IPO7: variants seen among roughly 807,000 people sequenced by gnomAD.
The protein encoded by IPO7 is importin-7.
A neutral mutation model predicts 136.4 loss-of-function variants in IPO7; 13 were observed. That is an observed-to-expected ratio of 0.10 (90% CI 0.06 to 0.15). The LOEUF is 0.15. IPO7 is among the 10% of genes least tolerant of loss of function. The probability of loss-of-function intolerance (pLI) is 1.00; values close to 1 mark genes in which losing one functional copy is unlikely to be tolerated. For missense variants in IPO7, 857 were observed against 1,240.6 expected, an observed-to-expected ratio of 0.69 and a Z score of 4.65; for synonymous variants, 403 against 404.4, an observed-to-expected ratio of 1.00 and a Z score of 0.04.
chr11:9,433,511 G>T lies in IPO7; in HGVS notation c.1882-59G>T, dbSNP rs77229526. ...AGTGTACTGAATTATAATATGCGTT[G>T]TCTTACTAAGTCATTTAGTAGGCTG... is the stretch of plus-strand genomic sequence containing the variant. On this transcript the variant is annotated intron_variant, in intron 16 of 24. Coordinates refer to ENST00000379719, the MANE Select transcript of IPO7 (RefSeq NM_006391.3). 1.8e-3 allele frequency: 2,020 copies of T among 1,141,982 alleles called. 24 individuals carry two copies. The African/African-American group carries it at 0.025, about 14-fold the overall frequency. 70.7% of individuals were successfully genotyped at this position (1,141,982 alleles called of 1,614,324 possible). A position where few individuals can be genotyped will look rare whatever the true frequency, so the allele number is the denominator to read the frequency against.
Position 9,428,944 on chromosome 11 carries a change from C to G in IPO7, c.1426-87C>G. The G allele has an allele frequency of 2.5e-6, 3 of 1,223,806 alleles. 1 individual carries two copies. In the South Asian group the frequency reaches 3.6e-5, roughly 15 times the overall value. 75.8% of individuals were successfully genotyped at this position (1,223,806 alleles called of 1,614,324 possible). A position where few individuals can be genotyped will look rare whatever the true frequency, so the allele number is the denominator to read the frequency against. ...TCTACCACTGGCCAGCCTCCAAATT[C>G]CCACACACAGAACTCAGGGAATAGA... On this transcript the variant is annotated intron_variant, in intron 13 of 24. Coordinates refer to ENST00000379719, the MANE Select transcript of IPO7 (RefSeq NM_006391.3).
At chr11:9,411,522 A>G (rs1160816908) in intron 4 of IPO7, among the ~76,000 whole-genome samples, 2 of 152,168 alleles carry the variant, frequency 1.3e-5, no homozygotes, top group Non-Finnish European at 2.9e-5. Context: ...TGGTGCTGAT[A>G]ATTTCCAGTG....
intron 8 of IPO7, among the ~76,000 whole-genome samples, 166 bp downstream of exon 8, chr11:9,420,864 G>A (rs1357259274): frequency 6.6e-6 from 1 of 152,032 alleles, no homozygotes; most frequent in Admixed American, 6.6e-5. Flanking sequence ...AATTACTTAG[G>A]ATACCATTGG....
chr11:9,428,530 A>G lies in IPO7; in HGVS notation c.1336-10A>G, dbSNP rs750001123. 8.0e-7 allele frequency: 1 copy of G among 1,249,276 alleles called. No homozygotes were observed. The highest frequency in any genetic ancestry group is 1.1e-6 in the Non-Finnish European group (1 of 875,576). 77.4% of individuals were successfully genotyped at this position (1,249,276 alleles called of 1,614,324 possible). A position where few individuals can be genotyped will look rare whatever the true frequency, so the allele number is the denominator to read the frequency against. The stretch of plus-strand genomic sequence containing the variant: ...AACTGTATCAAAATAACTGTTGTTT[A>G]TATTTACAGAAAAAGATCTATAAAG... On this transcript the variant is annotated splice_polypyrimidine_tract_variant and intron_variant, in intron 12 of 24. Transcript: ENST00000379719.
At position 9,445,221 on chromosome 11, in the gene IPO7, C is replaced by T. The variant is rs371155574; in HGVS notation, c.*27C>T. The T allele has an allele frequency of 6.5e-4, 916 of 1,414,348 alleles. 2 individuals carry two copies. Among genetic ancestry groups the T allele is most frequent in the Non-Finnish European group, 7.9e-4 (787 of 998,544 alleles). 87.6% of individuals were successfully genotyped at this position (1,414,348 alleles called of 1,614,324 possible). On this transcript the variant is annotated 3_prime_UTR_variant, in exon 25 of 25. Coordinates refer to ENST00000379719, the MANE Select transcript of IPO7 (RefSeq NM_006391.3). ...TTATCTCTTTCTTTCCTGCTGTGTG[C>T]TTGTAGTGAAGAGCTTGTGTTCCTC...
Position 9,424,843 on chromosome 11 carries a change from T to C in IPO7, c.1142-71T>C, listed in dbSNP as rs1273277660. On this transcript the variant is annotated intron_variant, in intron 10 of 24. Transcript: ENST00000379719. Reference sequence around the variant, plus strand: ...ATCATTTTCATACCTTATGTAAAGATTAAGCATGTTTTTTAATGCTTTGTT... The same window carrying C: ...ATCATTTTCATACCTTATGTAAAGACTAAGCATGTTTTTTAATGCTTTGTT... The C allele has an allele frequency of 1.4e-5, 14 of 978,830 alleles. No individual in the cohort carries two copies. In the Admixed American group the frequency reaches 1.7e-4, roughly 12 times the overall value. The allele number at this position is 978,830 out of a possible 1,614,324, so 60.6% of individuals were successfully genotyped here. A position where few individuals can be genotyped will look rare whatever the true frequency, so the allele number is the denominator to read the frequency against.
intron 2 of IPO7, among the ~76,000 whole-genome samples, chr11:9,408,179 T>G (rs1439082432): frequency 6.6e-6 from 1 of 152,160 alleles, no homozygotes; most frequent in Non-Finnish European, 1.5e-5. Flanking sequence ...TGATTTAATT[T>G]AACTCTCCTG....
intron 5 of IPO7, among the ~76,000 whole-genome samples, chr11:9,415,154 AT>A (rs1207187066): frequency 1.3e-5 from 2 of 151,802 alleles, no homozygotes; most frequent in Non-Finnish European, 2.9e-5. Context: ...CCCCGTCTCT[AT>A]TAAAAATACA....
At position 9,423,595 on chromosome 11, in the gene IPO7, A is replaced by G. The variant is rs544266047; in HGVS notation, c.1042-182A>G. Among the ~76,000 whole-genome samples the G allele has an allele frequency of 2.8e-3, 422 of 152,320 alleles. 4 individuals are homozygous for G. Among genetic ancestry groups the G allele is most frequent in the African/African-American group, 8.6e-3 (356 of 41,576 alleles). ...CACATATATCTTAAAGTTACTTGTT[A>G]CAGAAAGGGGAAGTACATGTAGTTT... is the stretch of plus-strand genomic sequence containing the variant. On this transcript the variant is annotated intron_variant, in intron 9 of 24. Coordinates refer to ENST00000379719, the MANE Select transcript of IPO7 (RefSeq NM_006391.3).
chr11:9,401,680 T>C (rs554589341), intron 1 of IPO7, among the ~76,000 whole-genome samples: 2 of 152,204 alleles, frequency 1.3e-5, no homozygotes, highest in African/African-American at 4.8e-5. Flanking sequence ...TTAAAAATTT[T>C]AAAATGTGGG....
intron 19 of IPO7, among the ~76,000 whole-genome samples, chr11:9,435,487 A>G (rs973803261): frequency 1.3e-5 from 2 of 152,224 alleles, no homozygotes; most frequent in African/African-American, 4.8e-5. Context: ...AATTGGAAGC[A>G]TTTTAATTTC....
intron 4 of IPO7, among the ~76,000 whole-genome samples, chr11:9,413,845 A>G (rs964114803): frequency 5.3e-5 from 8 of 151,762 alleles, no homozygotes; most frequent in African/African-American, 1.7e-4. Flanking sequence ...AAAAAATTTC[A>G]TTATGCCTCC....
chr11:9,388,431 T>A (rs1362427287), intron 1 of IPO7, among the ~76,000 whole-genome samples: 4 of 151,852 alleles, frequency 2.6e-5, no homozygotes, highest in African/African-American at 9.6e-5. Flanking sequence ...CACCTCGGCC[T>A]CCCAAAGTGC....
At chr11:9,429,456 C>T (rs1855261948) in intron 14 of IPO7, among the ~76,000 whole-genome samples, 3 of 151,754 alleles carry the variant, frequency 2.0e-5, no homozygotes, top group South Asian at 4.2e-4. Flanking sequence ...CAGTGTGCTA[C>T]GATTGCCACT....
chr11:9,435,168 A>C, intron 19 of IPO7, 137 bp downstream of exon 19: 1 of 617,274 alleles, frequency 1.6e-6, no homozygotes, highest in Non-Finnish European at 2.8e-6. Flanking sequence ...TTTAAAAGTT[A>C]AAAGTCATTG....
At chr11:9,442,627 A>G (rs973436402) in intron 24 of IPO7, among the ~76,000 whole-genome samples, 6 of 152,034 alleles carry the variant, frequency 3.9e-5, no homozygotes, top group Non-Finnish European at 8.8e-5. Flanking sequence ...GTTAGCCAGG[A>G]TGGTATCAAT....
intron 22 of IPO7, among the ~76,000 whole-genome samples, chr11:9,438,489 G>T (rs905224950): frequency 5.7e-4 from 86 of 152,096 alleles, no homozygotes; most frequent in Non-Finnish European, 1.8e-4. Context: ...GCTGGGTGTA[G>T]TGGTGGGCAC....
chr11:9,404,562 G>C (rs1435981188), intron 2 of IPO7, among the ~76,000 whole-genome samples: 1 of 136,156 alleles, frequency 7.3e-6, no homozygotes, highest in Non-Finnish European at 1.6e-5. Context: ...CCGGTCTTCG[G>C]ATTTTTTTTT....
intron 20 of IPO7, among the ~76,000 whole-genome samples, 181 bp from the exon 21 acceptor site, chr11:9,437,573 C>T (rs1855397121): frequency 6.6e-6 from 1 of 152,162 alleles, no homozygotes; most frequent in Non-Finnish European, 1.5e-5. Flanking sequence ...CTTTTAATAG[C>T]TCCATGAAGA....
Sources: allele counts gnomAD v4.1 joint callset (sites outside exome capture counted in the v4.1 genomes callset), GRCh38; gene constraint gnomAD v4.1.1; transcripts MANE v1.5; gene names NCBI Gene and HGNC (gene_info 2026-07-23, HGNC 2026-07-21).